Variants in FBRSL1 observed in about 807,000 individuals in gnomAD.
FBRSL1 encodes fibrosin-1-like protein.
FBRSL1 carries 51 observed loss-of-function variants against 89.6 expected under a neutral mutation model. The ratio of observed to expected loss-of-function variants is 0.57; its 90% CI spans 0.45 to 0.72. The LOEUF (loss-of-function observed/expected upper bound fraction) is 0.72, where lower values mean the gene tolerates loss of function less well. Ranked by LOEUF, FBRSL1 falls within the 30% of genes least tolerant of loss-of-function variation. The pLI is 0.00. For missense variants in FBRSL1, 1,618 were observed against 1,451.8 expected (o/e 1.11, Z -1.86); for synonymous variants, 779 against 681.1 (o/e 1.14, Z -2.24).
At chr12:132,526,317 C>T (rs1228352050) in intron 3 of FBRSL1, among the ~76,000 whole-genome samples, 1 of 152,204 alleles carries the variant, frequency 6.6e-6, no homozygotes, top group African/African-American at 2.4e-5. Context: ...GGCCTCACTG[C>T]CCGGCTCCCC....
chr12:132,563,580 C>T (rs79194433), intron 5 of FBRSL1, among the ~76,000 whole-genome samples: 348 of 152,252 alleles, frequency 2.3e-3, no homozygotes, highest in African/African-American at 7.8e-3. Context: ...GTCCCAGCAT[C>T]GTGTCACATC....
intron 4 of FBRSL1, among the ~76,000 whole-genome samples, chr12:132,545,003 T>C (rs1163780354): frequency 2.6e-5 from 4 of 152,218 alleles, no homozygotes; most frequent in Non-Finnish European, 5.9e-5. Context: ...GGGACAACCC[T>C]GTAAATTGTT....
At chr12:132,506,601 C>T (rs1294393706) in intron 1 of FBRSL1, among the ~76,000 whole-genome samples, 6 of 152,276 alleles carry the variant, frequency 3.9e-5, no homozygotes. Context: ...GCGCTGCAAA[C>T]AGCCGTTCTC....
At chr12:132,529,732 A>ACCACCCTGGGCTCTTCTCTG (rs558445648) in intron 4 of FBRSL1, among the ~76,000 whole-genome samples, 104,920 of 141,890 alleles carry the variant, frequency 0.74, 38,938 homozygotes, top group African/African-American at 0.88. Flanking sequence ...CCTGGGCTCT[A>ACCACCCTGGGCTCTTCTCTG]CCACCCTGGG....
intron 1 of FBRSL1, among the ~76,000 whole-genome samples, chr12:132,496,431 G>A (rs548156388): frequency 2.0e-5 from 3 of 152,166 alleles, no homozygotes; most frequent in Non-Finnish European, 2.9e-5. Flanking sequence ...GTATTTACCC[G>A]GGCTTGTGTT....
intron 2 of FBRSL1, chr12:132,511,908 T>A: frequency 1.0e-6 from 1 of 985,146 alleles, no homozygotes; most frequent in Non-Finnish European, 1.2e-6. Context: ...CTTATTTTTC[T>A]GATTAAAGAA....
chr12:132,547,161 A>C (rs1055542447), intron 4 of FBRSL1, among the ~76,000 whole-genome samples: 1 of 152,074 alleles, frequency 6.6e-6, no homozygotes, highest in Admixed American at 6.5e-5. Context: ...GAGAACGGAC[A>C]GTCAGTGTGT....
chr12:132,509,743 C>G (rs930294966), intron 2 of FBRSL1: 2 of 1,231,242 alleles, frequency 1.6e-6, no homozygotes, highest in Non-Finnish European at 1.0e-6. Context: ...TGGGCCAGCC[C>G]GTGTCACTGT....
At chr12:132,513,232 G>A (rs1232590768) in intron 2 of FBRSL1, among the ~76,000 whole-genome samples, 1 of 152,206 alleles carries the variant, frequency 6.6e-6, no homozygotes, top group Non-Finnish European at 1.5e-5. Flanking sequence ...CGGCAAGTGG[G>A]ATTTGGCTCC....
At chr12:132,520,368 G>A (rs1404705259) in intron 2 of FBRSL1, among the ~76,000 whole-genome samples, 2 of 152,162 alleles carry the variant, frequency 1.3e-5, no homozygotes, top group African/African-American at 4.8e-5. Flanking sequence ...CTTTGCAGAT[G>A]GCAATTTTCC....
intron 2 of FBRSL1, among the ~76,000 whole-genome samples, chr12:132,523,391 C>T (rs2035528461): frequency 1.3e-5 from 2 of 152,182 alleles, no homozygotes; most frequent in Admixed American, 1.3e-4. Flanking sequence ...GGCCTGGCCA[C>T]CTTTCAGGGC....
chr12:132,574,319 G>A lies in FBRSL1; in HGVS notation c.1600G>A (p.Val534Met). 1.3e-6 allele frequency: 2 copies of A among 1,544,012 alleles called. No homozygotes were observed. Among genetic ancestry groups the A allele is most frequent in the Non-Finnish European group, 1.7e-6 (2 of 1,144,232 alleles). Residue 534 changes from valine (V) to methionine (M), a missense_variant and splice_region_variant, in exon 13 of 19, where the codon GTG (valine) becomes ATG (methionine). Physicochemically the swap from Val to Met is conservative, Grantham distance 21. Transcript: ENST00000680143. ...VHTLLQKAPG[V>M]SDPYRAVVKK... Reference sequence around the variant, plus strand: ...TCACACTCCTTTCCTGTCTCCACAGGTGTCTGACCCGTACCGGGCGGTGGT... The same window carrying A: ...TCACACTCCTTTCCTGTCTCCACAGATGTCTGACCCGTACCGGGCGGTGGT...
chr12:132,503,301 A>G (rs1489240928), intron 1 of FBRSL1, among the ~76,000 whole-genome samples: 2 of 152,204 alleles, frequency 1.3e-5, no homozygotes, highest in Admixed American at 1.3e-4. Context: ...AGCCCGCAGG[A>G]CCACATCCTG....
intron 4 of FBRSL1, among the ~76,000 whole-genome samples, chr12:132,539,738 A>G (rs907979501): frequency 0.011 from 12 of 1,068 alleles, no homozygotes; most frequent in African/African-American, 0.047. Flanking sequence ...CCGTGCCCCC[A>G]CCCACCCAGT....
At chr12:132,544,374 G>T (rs2037508195) in intron 4 of FBRSL1, among the ~76,000 whole-genome samples, 1 of 152,160 alleles carries the variant, frequency 6.6e-6, no homozygotes, top group Non-Finnish European at 1.5e-5. Context: ...TGATATCGGG[G>T]TCTCCTCGTG....
At chr12:132,580,824 A>G in intron 15 of FBRSL1, 2 of 985,406 alleles carry the variant, frequency 2.0e-6, no homozygotes, top group Non-Finnish European at 2.4e-6. Context: ...CATGTGGAGG[A>G]CGGCCCCTGA....
chr12:132,493,031 C>T (rs1020772781), intron 1 of FBRSL1, among the ~76,000 whole-genome samples: 1 of 152,242 alleles, frequency 6.6e-6, no homozygotes, highest in Non-Finnish European at 1.5e-5. Flanking sequence ...TCATTTACTC[C>T]TCAAATGACC....
rs1192547994 is a variant in FBRSL1 at position 132,511,845 on chromosome 12, C to T, written c.489+3495C>T. 7.1e-6 allele frequency: 7 copies of T among 984,352 alleles called. No homozygotes were observed. The African/African-American group carries it at 8.7e-5, about 12-fold the overall frequency. The allele number at this position is 984,352 out of a possible 1,614,324, so 61.0% of individuals were successfully genotyped here. A position where few individuals can be genotyped will look rare whatever the true frequency, so the allele number is the denominator to read the frequency against. Reference sequence around the variant, plus strand: ...CCGGGCCCCCTCGCTCCCCACCCACCCGGGCCCCTTCCTCCGGTGCTCACC... The same window carrying T: ...CCGGGCCCCCTCGCTCCCCACCCACTCGGGCCCCTTCCTCCGGTGCTCACC... On this transcript the variant is annotated intron_variant, in intron 2 of 18. Transcript: ENST00000680143.
intron 5 of FBRSL1, chr12:132,550,662 G>A (rs544175211): frequency 2.0e-5 from 3 of 152,664 alleles, no homozygotes; most frequent in South Asian, 4.1e-4. Flanking sequence ...TCTGGGAGCC[G>A]GCAGTGCATC....
Sources: gnomAD v4.1 joint callset for allele counts (sites outside exome capture counted in the v4.1 genomes callset) on GRCh38, gnomAD v4.1.1 for gene constraint, MANE v1.5 for transcripts, NCBI Gene and HGNC (gene_info 2026-07-23, HGNC 2026-07-21) for gene names.